Variants in CMYA5 observed in about 807,000 individuals in gnomAD.
CMYA5 encodes cardiomyopathy associated 5.
In CMYA5, 246 loss-of-function variants were observed where a neutral mutation model predicts 318.9. The observed-to-expected ratio is 0.77, with a 90% confidence interval of 0.70 to 0.86. The LOEUF is 0.86. Among genes scored for constraint, CMYA5 ranks in the 40% least tolerant of loss-of-function variants. The pLI is 0.00. For missense variants in CMYA5, 4,589 were observed against 4,678.2 expected, an observed-to-expected ratio of 0.98 and a Z score of 0.56; for synonymous variants, 1,641 against 1,729.5, an observed-to-expected ratio of 0.95 and a Z score of 1.27.
chr5:79,756,063 T>A (rs922943021), intron 6 of CMYA5, among the ~76,000 whole-genome samples: 3 of 152,218 alleles, frequency 2.0e-5, no homozygotes, highest in African/African-American at 7.2e-5. Flanking sequence ...TGATCGACAA[T>A]CCTTGAAACA....
rs1827961654 is a variant in CMYA5 at position 79,733,241 on chromosome 5, A to C, written c.4476A>C (p.Glu1492Asp). Residue 1492 changes from glutamate to aspartate, a missense_variant, in exon 2 of 13, where the codon GAA becomes GAC. Physicochemically the swap from Glu to Asp is conservative, Grantham distance 45 (BLOSUM62 2). Around this residue, in one of 3 missense-constraint regions of CMYA5, gnomAD observed 2,132 missense variants for 2,131.3 expected, o/e 1.00. Transcript: ENST00000446378. Reference sequence around the variant, plus strand: ...ATAAATCTGAGGAAGCAAGGGTAGAAGACAAACAAGATCTTTTATTTTCTA... The same window carrying C: ...ATAAATCTGAGGAAGCAAGGGTAGACGACAAACAAGATCTTTTATTTTCTA... Reference protein sequence around the residue: ...HSDKSEEARVEDKQDLLFSTV... With the variant: ...HSDKSEEARVDDKQDLLFSTV... The C allele has an allele frequency of 1.2e-6, 2 of 1,613,756 alleles. No homozygotes were observed. Among genetic ancestry groups the C allele is most frequent in the Non-Finnish European group, 8.5e-7 (1 of 1,179,834 alleles).
At chr5:79,696,698 C>A (rs1261522817) in intron 1 of CMYA5, among the ~76,000 whole-genome samples, 2 of 152,168 alleles carry the variant, frequency 1.3e-5, no homozygotes, top group African/African-American at 2.4e-5. Context: ...AAATTAATTT[C>A]TTCCATTTAA....
At chr5:79,692,943 A>G (rs1316439713) in intron 1 of CMYA5, among the ~76,000 whole-genome samples, 2 of 152,212 alleles carry the variant, frequency 1.3e-5, no homozygotes, top group East Asian at 3.8e-4. Flanking sequence ...GGATACAAAA[A>G]TAAGAATCCA....
rs777427052 is a variant in CMYA5 at position 79,738,750 on chromosome 5, G to A, written c.9985G>A (p.Val3329Ile). The A allele has an allele frequency of 6.8e-6, 11 of 1,613,818 alleles. No homozygotes were observed. The highest frequency in any genetic ancestry group is 4.5e-5 in the East Asian group (2 of 44,890). Reference protein sequence around the residue: ...MQKKAPITEDVRVATQKISYA... With the variant: ...MQKKAPITEDIRVATQKISYA... ...GAAGAAAGCTCCCATCACAGAGGACGTCAGAGTGGCTACCCAGAAAATAAG... is the reference window on the plus strand; with the variant it reads ...GAAGAAAGCTCCCATCACAGAGGACATCAGAGTGGCTACCCAGAAAATAAG... Residue 3329 changes from valine (V) to isoleucine (I), a missense_variant, in exon 2 of 13, where the codon GTC becomes ATC. Val to Ile is a conservative substitution (Grantham distance 29). This residue lies in a region of CMYA5 where 2,431 missense variants were observed against 2,495.1 expected (regional missense o/e 0.97). Transcript: ENST00000446378.
At chr5:79,704,333 T>A (rs1827228787) in intron 1 of CMYA5, among the ~76,000 whole-genome samples, 1 of 152,066 alleles carries the variant, frequency 6.6e-6, no homozygotes, top group Admixed American at 6.5e-5. Flanking sequence ...GTCTGAATGC[T>A]GTATCACACT....
intron 8 of CMYA5, chr5:79,762,224 G>T: frequency 3.1e-6 from 1 of 322,108 alleles, no homozygotes; most frequent in East Asian, 5.0e-5. Flanking sequence ...ACACTCCAGA[G>T]GGGCACCCAA....
chr5:79,738,740 C>G lies in CMYA5; in HGVS notation c.9975C>G (p.Ile3325Met). Residue 3325 changes from isoleucine (I) to methionine (M), a missense_variant, in exon 2 of 13, where the codon ATC (isoleucine) becomes ATG (methionine). By Grantham distance (10) the Ile-to-Met change is conservative. Around this residue, in one of 3 missense-constraint regions of CMYA5, gnomAD observed 2,431 missense variants for 2,495.1 expected, o/e 0.97. Coordinates refer to ENST00000446378, the MANE Select transcript of CMYA5 (RefSeq NM_153610.5). ...GNVAMQKKAPITEDVRVATQK... is the reference protein window; with the variant it reads ...GNVAMQKKAPMTEDVRVATQK... ...TAGCGATGCAGAAGAAAGCTCCCAT[C>G]ACAGAGGACGTCAGAGTGGCTACCC... 6.2e-7 allele frequency: 1 copy of G among 1,613,946 alleles called. No homozygotes were observed. The highest frequency in any genetic ancestry group is 8.5e-7 in the Non-Finnish European group (1 of 1,179,874).
At chr5:79,758,237 T>A (rs73125656) in intron 6 of CMYA5, among the ~76,000 whole-genome samples, 2 of 130,976 alleles carry the variant, frequency 1.5e-5, no homozygotes, top group African/African-American at 5.5e-5. Context: ...CTCAACAGAT[T>A]AAAAAAAAAA....
Position 79,690,040 on chromosome 5 carries a change from G to C in CMYA5, c.133G>C (p.Glu45Gln). Reference sequence around the variant, plus strand: ...GGACGAGACGGCGGCGGAGTCGGAGGAGGAGCCGGACTCCAGGTAGCGCGA... The same window carrying C: ...GGACGAGACGGCGGCGGAGTCGGAGCAGGAGCCGGACTCCAGGTAGCGCGA... ...EEDETAAESEEEPDSRLSDQD... is the reference protein window; with the variant it reads ...EEDETAAESEQEPDSRLSDQD... Residue 45 changes from glutamate to glutamine, a missense_variant, in exon 1 of 13, where the codon GAG (glutamate) becomes CAG (glutamine). This residue lies in a region of CMYA5 where 2,132 missense variants were observed against 2,131.3 expected (regional missense o/e 1.00). Transcript: ENST00000446378. The C allele has an allele frequency of 6.8e-7, 1 of 1,462,282 alleles. No individual in the cohort carries two copies. The allele number at this position is 1,462,282 out of a possible 1,614,324, so 90.6% of individuals were successfully genotyped here.
In CMYA5 at chr5:79,734,077, C is replaced by T; in HGVS notation, c.5312C>T (p.Pro1771Leu). 6.2e-7 allele frequency: 1 copy of T among 1,613,792 alleles called. No individual in the cohort carries two copies. Among genetic ancestry groups the T allele is most frequent in the African/African-American group, 1.3e-5 (1 of 74,992 alleles). ...FKKGGNQEIG[P>L]LPPTGNLKAQ... Reference sequence around the variant, plus strand: ...AAGGGAGGAAATCAAGAAATAGGCCCATTACCACCAACTGGAAATTTGAAG... The same window carrying T: ...AAGGGAGGAAATCAAGAAATAGGCCTATTACCACCAACTGGAAATTTGAAG... The change falls in exon 2 of 13, where the codon CCA becomes CTA. Residue 1771 changes from proline to leucine, a missense_variant. Pro to Leu is a moderately conservative substitution (Grantham distance 98). Coordinates refer to ENST00000446378, the MANE Select transcript of CMYA5 (RefSeq NM_153610.5).
At position 79,736,651 on chromosome 5, in the gene CMYA5, T is replaced by C. The variant is rs778082197; in HGVS notation, c.7886T>C (p.Val2629Ala). 5.0e-6 allele frequency: 8 copies of C among 1,613,588 alleles called. No individual in the cohort carries two copies. The highest frequency in any genetic ancestry group is 6.8e-6 in the Non-Finnish European group (8 of 1,179,790). Reference protein sequence around the residue: ...PHPLEESKVLVEKTKTFLPVA... With the variant: ...PHPLEESKVLAEKTKTFLPVA... ...CCTTTAGAAGAAAGTAAAGTTTTGG[T>C]GGAGAAAACCAAGACTTTCCTGCCG... is the stretch of plus-strand genomic sequence containing the variant. The change falls in exon 2 of 13, where the codon GTG (valine) becomes GCG (alanine). Residue 2629 changes from valine to alanine, a missense_variant. Physicochemically the swap from Val to Ala is moderately conservative, Grantham distance 64. Transcript: ENST00000446378.
chr5:79,788,865 A>G, intron 9 of CMYA5, 106 bp from the exon 10 acceptor site: 1 of 1,156,522 alleles, frequency 8.6e-7, no homozygotes, highest in Non-Finnish European at 1.2e-6. Flanking sequence ...GAAGAAAATA[A>G]GTTATTTGTT....
In CMYA5 at chr5:79,761,911, C is replaced by T. The variant is rs770387332; in HGVS notation, c.11361C>T (p.Asn3787=). The T allele has an allele frequency of 8.1e-6, 13 of 1,613,584 alleles. No homozygotes were observed. Among genetic ancestry groups the T allele is most frequent in the South Asian group, 7.7e-5 (7 of 90,956 alleles). ...RCYQVWVMAV[N]FTGCSLPSER... ...ATCAAGTGTGGGTGATGGCTGTGAA[C>T]TTCACTGGATGTAGCCTGCCCAGTG... is the stretch of plus-strand genomic sequence containing the variant. The change falls in exon 8 of 13, where the codon AAC becomes AAT. Residue 3787 remains asparagine, a synonymous_variant. Coordinates refer to ENST00000446378, the MANE Select transcript of CMYA5 (RefSeq NM_153610.5).
rs571778276 is a variant in CMYA5 at position 79,772,845 on chromosome 5, C to T, written c.11555+9636C>T. 5.5e-4 allele frequency among the ~76,000 whole-genome samples: 84 copies of T among 152,270 alleles called. 1 individual carries two copies. The highest frequency in any genetic ancestry group is 1.2e-3 in the South Asian group (6 of 4,814). ...AACCAACTTTAAAACATTCTTTACA[C>T]GGTCCGATGCTTCAAAATTCTGTAA... On this transcript the variant is annotated intron_variant, in intron 9 of 12. Coordinates refer to ENST00000446378, the MANE Select transcript of CMYA5 (RefSeq NM_153610.5).
intron 5 of CMYA5, among the ~76,000 whole-genome samples, chr5:79,751,137 C>T (rs1828422084): frequency 6.6e-6 from 1 of 152,124 alleles, no homozygotes; most frequent in South Asian, 2.1e-4. Flanking sequence ...AGACACTTGC[C>T]AAGACAGTCA....
chr5:79,719,672 A>G (rs1424978250), intron 1 of CMYA5, among the ~76,000 whole-genome samples: 2 of 152,188 alleles, frequency 1.3e-5, no homozygotes, highest in Non-Finnish European at 2.9e-5. Flanking sequence ...TGAAAATATA[A>G]ATTAGAGTTT....
intron 4 of CMYA5, 27 bp from the exon 5 acceptor site, chr5:79,747,058 TCTCCTC>T: frequency 7.9e-7 from 1 of 1,261,204 alleles, no homozygotes; most frequent in Middle Eastern, 1.8e-4. Flanking sequence ...TTTTCTCTCT[TCTCCTC>T]CTCCTTCCTC....
intron 1 of CMYA5, among the ~76,000 whole-genome samples, chr5:79,695,348 G>A (rs1042305758): frequency 2.6e-5 from 4 of 152,172 alleles, no homozygotes; most frequent in African/African-American, 9.7e-5. Context: ...CAAGTGACAT[G>A]AATTTTAGTA....
intron 1 of CMYA5, among the ~76,000 whole-genome samples, chr5:79,690,513 T>G (rs1826949969): frequency 6.6e-6 from 1 of 152,116 alleles, no homozygotes; most frequent in African/African-American, 2.4e-5. Context: ...GACCTTATTT[T>G]GATACAAAGG....
Sources: gnomAD v4.1 joint callset for allele counts (sites outside exome capture counted in the v4.1 genomes callset) on GRCh38, gnomAD v4.1.1 for gene constraint, gnomAD v4.1.1 regional missense constraint, MANE v1.5 for transcripts, NCBI Gene and HGNC (gene_info 2026-07-23, HGNC 2026-07-21) for gene names.